HOPX: variants seen among roughly 807,000 people sequenced by gnomAD.
HOPX encodes homeodomain-only protein.
In HOPX, 5 loss-of-function variants were observed where a neutral mutation model predicts 11.8. The ratio of observed to expected loss-of-function variants is 0.43; its 90% CI spans 0.22 to 0.89. The LOEUF (loss-of-function observed/expected upper bound fraction) is 0.89. Among genes scored for constraint, HOPX ranks in the 40% least tolerant of loss-of-function variants. HOPX has a pLI of 0.28. For missense variants in HOPX, 119 were observed against 120.0 expected, an observed-to-expected ratio of 0.99 and a Z score of 0.04; for synonymous variants, 49 against 49.7, an observed-to-expected ratio of 0.99 and a Z score of 0.06.
intron 3 of HOPX, among the ~76,000 whole-genome samples, chr4:56,654,614 G>T (rs2109471324): frequency 6.6e-6 from 1 of 152,328 alleles, no homozygotes; most frequent in Non-Finnish European, 1.5e-5. Context: ...GCTAAAAATA[G>T]ATATGTTTGC....
At chr4:56,655,446 T>G (rs532704856) in intron 3 of HOPX, among the ~76,000 whole-genome samples, 2 of 152,056 alleles carry the variant, frequency 1.3e-5, no homozygotes, top group African/African-American at 4.8e-5. Context: ...CCGCCTAGAA[T>G]AGATCTTCCC....
At chr4:56,677,255 C>T (rs936427842) in intron 1 of HOPX, among the ~76,000 whole-genome samples, 1 of 151,648 alleles carries the variant, frequency 6.6e-6, no homozygotes, top group African/African-American at 2.4e-5. Flanking sequence ...GGGCCCACAA[C>T]CTATAGATGG....
chr4:56,681,387 C>G (rs1023667836), upstream of HOPX: 1 of 985,364 alleles, frequency 1.0e-6, no homozygotes, highest in South Asian at 4.7e-5. Flanking sequence ...AGCACACACT[C>G]GAGCAAGGAC....
chr4:56,663,312 T>C (rs1176977827), intron 1 of HOPX: 1 of 152,108 alleles, frequency 6.6e-6, no homozygotes, highest in Non-Finnish European at 1.5e-5. Context: ...TTCATGCCAT[T>C]CCCACTGGTC....
intron 3 of HOPX, chr4:56,650,384 T>TA: frequency 3.8e-6 from 1 of 260,216 alleles, no homozygotes; most frequent in African/African-American, 2.2e-5. Flanking sequence ...CCACATAGCA[T>TA]GGCTTGATGC....
At chr4:56,650,541 G>A in intron 3 of HOPX, 2 of 805,602 alleles carry the variant, frequency 2.5e-6, no homozygotes, top group South Asian at 1.8e-5. Context: ...TTGAATGGGG[G>A]TAAGGCTCTG....
At position 56,657,907 on chromosome 4, in the gene HOPX, G is replaced by GA. The variant is rs1717867201; in HGVS notation, c.-83-9dup. 1.9e-6 allele frequency: 3 copies of GA among 1,548,940 alleles called. No individual in the cohort carries two copies. The highest frequency in any genetic ancestry group is 3.9e-5 in the Admixed American group (2 of 50,772). On this transcript the variant is annotated splice_polypyrimidine_tract_variant and intron_variant, in intron 1 of 3. Transcript: ENST00000420433. ...GGGCAGTCTGTCATTAGTCTGGTAG[G>GA]AAAAATCAGGAGGGCAGTAGTCATA...
intron 3 of HOPX, among the ~76,000 whole-genome samples, chr4:56,654,466 C>T (rs959482413): frequency 4.6e-5 from 7 of 152,190 alleles, no homozygotes; most frequent in Non-Finnish European, 8.8e-5. Flanking sequence ...CTAAGCATAG[C>T]GTGGGATTTC....
chr4:56,660,892 G>T (rs1405483581), intron 1 of HOPX, among the ~76,000 whole-genome samples: 2 of 151,992 alleles, frequency 1.3e-5, no homozygotes, highest in Non-Finnish European at 2.9e-5. Context: ...TCCCCTTGCT[G>T]ACCTGCCCCC....
At chr4:56,678,257 G>T (rs1254327777) in intron 1 of HOPX, among the ~76,000 whole-genome samples, 2 of 151,264 alleles carry the variant, frequency 1.3e-5, no homozygotes. Context: ...GGTGGCATGG[G>T]GCCATCCCCA....
chr4:56,666,874 A>T (rs912399541), intron 1 of HOPX, among the ~76,000 whole-genome samples: 11 of 152,218 alleles, frequency 7.2e-5, no homozygotes, highest in Non-Finnish European at 1.5e-4. Flanking sequence ...TAACCCACTA[A>T]AGGTTTCATA....
intron 1 of HOPX, among the ~76,000 whole-genome samples, chr4:56,669,366 C>T (rs745626304): frequency 6.6e-6 from 1 of 152,074 alleles, no homozygotes; most frequent in Non-Finnish European, 1.5e-5. Context: ...AATTTGTCAC[C>T]TAACCTAGAA....
intron 1 of HOPX, among the ~76,000 whole-genome samples, chr4:56,677,909 G>C (rs1719098283): frequency 6.6e-6 from 1 of 151,704 alleles, no homozygotes; most frequent in African/African-American, 2.4e-5. Context: ...CCAGAACAGA[G>C]TGCCCAGTGT....
At chr4:56,669,840 T>C (rs910264990) in intron 1 of HOPX, among the ~76,000 whole-genome samples, 5 of 152,162 alleles carry the variant, frequency 3.3e-5, no homozygotes, top group Non-Finnish European at 5.9e-5. Flanking sequence ...TAGGTATCAC[T>C]GTTGCTGTTA....
At chr4:56,681,628 T>C, upstream of HOPX, 1 of 999,862 alleles carries the variant, frequency 1.0e-6, no homozygotes. Flanking sequence ...AAAGGGACCC[T>C]GAGTCTTCTC....
intron 2 of HOPX, among the ~76,000 whole-genome samples, chr4:56,656,711 G>A (rs78237743): frequency 0.015 from 2,234 of 152,336 alleles, 36 homozygotes; most frequent in Middle Eastern, 0.071. Context: ...AGGGGATTGA[G>A]ACACGGGAGA....
upstream of HOPX, chr4:56,681,435 G>GAT: frequency 1.0e-6 from 1 of 987,400 alleles, no homozygotes. Flanking sequence ...GTAAACCACT[G>GAT]AAAGTATGCC....
intron 1 of HOPX, chr4:56,665,145 T>A (rs1457494356): frequency 6.6e-6 from 1 of 152,264 alleles, no homozygotes; most frequent in African/African-American, 2.4e-5. Flanking sequence ...TTAGTAGAGA[T>A]GGGATCTCGC....
intron 1 of HOPX, chr4:56,662,638 T>A (rs1718213469): frequency 6.6e-6 from 1 of 152,072 alleles, no homozygotes; most frequent in East Asian, 1.9e-4. Context: ...CACCACACCT[T>A]GCTAATTTTT....
Sources: gnomAD v4.1 joint callset for allele counts (sites outside exome capture counted in the v4.1 genomes callset) on GRCh38, gnomAD v4.1.1 for gene constraint, MANE v1.5 for transcripts, NCBI Gene and HGNC (gene_info 2026-07-23, HGNC 2026-07-21) for gene names.